LRP1B: variants seen among roughly 807,000 people sequenced by gnomAD.
LRP1B encodes low-density lipoprotein receptor-related protein 1B.
LRP1B carries 217 observed loss-of-function variants against 556.6 expected under a neutral mutation model. That is an observed-to-expected ratio of 0.39 (90% CI 0.35 to 0.44). The LOEUF (loss-of-function observed/expected upper bound fraction) is 0.44, where lower values mean the gene tolerates loss of function less well. Among genes scored for constraint, LRP1B ranks in the 20% least tolerant of loss-of-function variants. The pLI is 1.00. For synonymous variants in LRP1B, 2,047 were observed against 1,865.8 expected, an observed-to-expected ratio of 1.10 and a Z score of -2.50; for missense variants, 5,053 against 5,620.8, an observed-to-expected ratio of 0.90 and a Z score of 3.23.
chr2:141,374,197 C>T (rs765467535), intron 3 of LRP1B, among the ~76,000 whole-genome samples: 2 of 152,128 alleles, frequency 1.3e-5, no homozygotes, highest in African/African-American at 4.8e-5. Context: ...TTTGAATATG[C>T]CATCCCATTC....
intron 2 of LRP1B, among the ~76,000 whole-genome samples, chr2:141,743,504 T>TTTTTTTTTTTTTTTTTTTTTTTTTTTC (rs1693794600): frequency 1.3e-5 from 1 of 79,008 alleles, no homozygotes; most frequent in Non-Finnish European, 2.7e-5. Context: ...TTTTTTTCTT[T>TTTTTTTTTTTTTTTTTTTTTTTTTTTC]TTTTTTTTTT....
At position 140,804,397 on chromosome 2, in the gene LRP1B, A is replaced by G. The variant is rs116011079; in HGVS notation, c.5359+9260T>C. ...AAAAAAGGCTTTTGATGATGTCTGT[A>G]TGCTAATTTTACTGTTTTTTATTGT... is the stretch of plus-strand genomic sequence containing the variant. On this transcript the variant is annotated intron_variant, in intron 32 of 90. Transcript: ENST00000389484. 3.8e-3 allele frequency among the ~76,000 whole-genome samples: 581 copies of G among 152,204 alleles called. 3 individuals carry two copies. The highest frequency in any genetic ancestry group is 0.012 in the African/African-American group (509 of 41,548).
At chr2:141,599,451 C>T (rs927815802) in intron 2 of LRP1B, among the ~76,000 whole-genome samples, 9 of 151,960 alleles carry the variant, frequency 5.9e-5, no homozygotes, top group Admixed American at 2.6e-4. Context: ...TCTAACCCCC[C>T]GCCACTGCAG....
chr2:140,596,882 G>C (rs1472580740), intron 43 of LRP1B, among the ~76,000 whole-genome samples: 1 of 152,076 alleles, frequency 6.6e-6, no homozygotes, highest in Non-Finnish European at 1.5e-5. Flanking sequence ...GAAATATAAA[G>C]TGCTTGGCAC....
At chr2:141,462,498 TG>T (rs539757411) in intron 3 of LRP1B, among the ~76,000 whole-genome samples, 2 of 123,874 alleles carry the variant, frequency 1.6e-5, no homozygotes, top group Non-Finnish European at 1.7e-5. Context: ...TGTTGGGGGG[TG>T]GGGGTCAAGG....
intron 2 of LRP1B, among the ~76,000 whole-genome samples, chr2:141,776,074 C>T (rs1695060776): frequency 6.6e-6 from 1 of 152,078 alleles, no homozygotes; most frequent in African/African-American, 2.4e-5. Context: ...TCTCGATCTC[C>T]TGACCTCATG....
chr2:141,719,769 G>T (rs1574280971), intron 2 of LRP1B, among the ~76,000 whole-genome samples: 2 of 152,086 alleles, frequency 1.3e-5, no homozygotes, highest in African/African-American at 4.8e-5. Flanking sequence ...CACAGGAACA[G>T]AAAACCAAAT....
intron 2 of LRP1B, among the ~76,000 whole-genome samples, chr2:141,501,353 G>A (rs1683704047): frequency 6.6e-6 from 1 of 152,054 alleles, no homozygotes; most frequent in Non-Finnish European, 1.5e-5. Context: ...TGAGATTCTG[G>A]AGAATTAAAG....
At chr2:141,055,356 G>A in intron 9 of LRP1B, 97 bp from the exon 10 acceptor site, 1 of 1,315,638 alleles carries the variant, frequency 7.6e-7, no homozygotes. Context: ...GTAAAAACAG[G>A]GAATCTTAGC....
intron 7 of LRP1B, among the ~76,000 whole-genome samples, chr2:141,118,712 ATAATC>A (rs1376383132): frequency 7.2e-5 from 11 of 151,972 alleles, no homozygotes; most frequent in Admixed American, 2.6e-4. Flanking sequence ...AACTGTCACA[ATAATC>A]TAGTGAGATA....
chr2:141,182,175 T>C (rs74980879), intron 7 of LRP1B, among the ~76,000 whole-genome samples: 1,658 of 152,046 alleles, frequency 0.011, 29 homozygotes, highest in African/African-American at 0.037. Context: ...AAAAAGATAG[T>C]AGGAGAGTCA....
chr2:140,991,566 G>A (rs752777200), intron 16 of LRP1B, among the ~76,000 whole-genome samples: 7 of 151,994 alleles, frequency 4.6e-5, no homozygotes, highest in Admixed American at 6.6e-5. Flanking sequence ...GTGCTAGACC[G>A]AGAGACTACG....
chr2:141,096,621 G>GAGA (rs1558857992), intron 7 of LRP1B, among the ~76,000 whole-genome samples: 492 of 39,876 alleles, frequency 0.012, 30 homozygotes, highest in Middle Eastern at 0.028. Flanking sequence ...ACAAAGACGG[G>GAGA]GAGAGGGGGA....
In LRP1B at chr2:141,304,124, C is replaced by T. The variant is rs184388417; in HGVS notation, c.344-49483G>A. Among the ~76,000 whole-genome samples the T allele has an allele frequency of 9.6e-4, 146 of 152,194 alleles. 1 individual carries two copies. Among genetic ancestry groups the T allele is most frequent in the African/African-American group, 2.8e-3 (118 of 41,562 alleles). ...TTTAATGGGATTATTTGTTTCTTCA[C>T]TCTTGAGTTGTTTGAGTTCCTTGTA... is the stretch of plus-strand genomic sequence containing the variant. On this transcript the variant is annotated intron_variant, in intron 3 of 90. Transcript: ENST00000389484.
At chr2:141,237,333 G>A (rs1039636093) in intron 5 of LRP1B, among the ~76,000 whole-genome samples, 1 of 142,808 alleles carries the variant, frequency 7.0e-6, no homozygotes, top group Admixed American at 7.1e-5. Context: ...TTTTTATCTT[G>A]TTTTGTTTTG....
intron 11 of LRP1B, among the ~76,000 whole-genome samples, chr2:141,048,074 C>A (rs1382531980): frequency 1.3e-5 from 2 of 151,986 alleles, no homozygotes; most frequent in Non-Finnish European, 2.9e-5. Flanking sequence ...GATTATGAAC[C>A]CCTTGAAGGC....
chr2:140,311,817 A>AGATGGGCAGTTTAAAT (rs1429438532), intron 83 of LRP1B, among the ~76,000 whole-genome samples: 1 of 151,944 alleles, frequency 6.6e-6, no homozygotes, highest in African/African-American at 2.4e-5. Context: ...AGAAAAGCAA[A>AGATGGGCAGTTTAAAT]GATGGGCAGT....
chr2:140,978,172 C>G (rs78435403), intron 18 of LRP1B, among the ~76,000 whole-genome samples: 211 of 152,268 alleles, frequency 1.4e-3, no homozygotes, highest in African/African-American at 4.9e-3. Flanking sequence ...CACATATAAT[C>G]TCAACCTAAA....
At chr2:141,292,115 C>T (rs1176128707) in intron 3 of LRP1B, among the ~76,000 whole-genome samples, 1 of 152,136 alleles carries the variant, frequency 6.6e-6, no homozygotes, top group African/African-American at 2.4e-5. Flanking sequence ...ACATTAGATT[C>T]TCATAGGAGC....
Sources: gnomAD v4.1 joint callset for allele counts (sites outside exome capture counted in the v4.1 genomes callset) on GRCh38, gnomAD v4.1.1 for gene constraint, MANE v1.5 for transcripts, NCBI Gene and HGNC (gene_info 2026-07-23, HGNC 2026-07-21) for gene names.